The following PER3 variants were observed in gnomAD, a reference collection of about 807,000 sequenced individuals.
PER3 encodes the protein period circadian protein homolog 3.
A neutral mutation model predicts 127.2 loss-of-function variants in PER3; 107 were observed. The observed-to-expected ratio is 0.84, with a 90% CI of 0.72 to 0.99. The LOEUF (loss-of-function observed/expected upper bound fraction) is 0.99. PER3 is among the 50% of genes least tolerant of loss of function. PER3 has a pLI of 0.00. For synonymous variants in PER3, 618 were observed against 585.8 expected, an observed-to-expected ratio of 1.05 and a Z score of -0.79; for missense variants, 1,560 against 1,525.8, an observed-to-expected ratio of 1.02 and a Z score of -0.37.
At chr1:7,788,861 A>G (rs1558380337) in intron 5 of PER3, among the ~76,000 whole-genome samples, 1 of 151,458 alleles carries the variant, frequency 6.6e-6, no homozygotes, top group Non-Finnish European at 1.5e-5. Context: ...CCAAGATCAC[A>G]CCATTGCACT....
At chr1:7,786,168 C>T (rs1056903564) in intron 3 of PER3, among the ~76,000 whole-genome samples, 2 of 152,112 alleles carry the variant, frequency 1.3e-5, no homozygotes, top group Non-Finnish European at 2.9e-5. Flanking sequence ...GACAGGAGAA[C>T]GGCGTGAACC....
At chr1:7,810,415 A>T (rs1312648489) in intron 12 of PER3, 23 bp from the exon 13 acceptor site, 2 of 1,543,250 alleles carry the variant, frequency 1.3e-6, no homozygotes, top group East Asian at 4.5e-5. Flanking sequence ...TTTGAAACAT[A>T]TTTTATCATT....
intron 5 of PER3, among the ~76,000 whole-genome samples, chr1:7,790,791 A>T (rs1483873936): frequency 6.6e-6 from 1 of 152,084 alleles, no homozygotes; most frequent in African/African-American, 2.4e-5. Context: ...AAATGGGAGA[A>T]ATTGGCCAAA....
At chr1:7,821,487 C>A (rs1197352554) in intron 16 of PER3, among the ~76,000 whole-genome samples, 1 of 152,218 alleles carries the variant, frequency 6.6e-6, no homozygotes, top group Non-Finnish European at 1.5e-5. Context: ...TGGAACTGAG[C>A]TAGCCCCTCC....
In PER3 at chr1:7,827,162, G is replaced by A. The variant is rs774991703; in HGVS notation, c.2233G>A (p.Gly745Arg). The A allele has an allele frequency of 3.1e-6, 5 of 1,611,372 alleles. No homozygotes were observed. Among genetic ancestry groups the A allele is most frequent in the Non-Finnish European group, 4.2e-6 (5 of 1,179,002 alleles). The change falls in exon 18 of 22, where the codon GGG becomes AGG. Residue 745 changes from glycine (G) to arginine (R), a missense_variant. Physicochemically the swap from Gly to Arg is moderately radical, Grantham distance 125. Coordinates refer to ENST00000377532, the MANE Select transcript of PER3 (RefSeq NM_001377275.1). ...GACGCGGTCGGCCGGCTGCAGGAAA[G>A]GGAAGCACAAGCGGAAGAAGCTGCC... The part of the protein sequence containing the change: ...KQTRSAGCRK[G>R]KHKRKKLPEP...
In PER3 at chr1:7,793,953, C is replaced by G. The variant is rs1440098985; in HGVS notation, c.593-4C>G. The G allele has an allele frequency of 2.5e-6, 4 of 1,613,164 alleles. No homozygotes were observed. The African/African-American group carries it at 4.0e-5, about 16-fold the overall frequency. On this transcript the variant is annotated splice_region_variant and splice_polypyrimidine_tract_variant and intron_variant, in intron 5 of 21. Transcript: ENST00000377532. ...AGTGACTGACCAGGCATCTTTCTTTCTAGCAGCTGCACGGTATGAATGTGC... is the reference window on the plus strand; with the variant it reads ...AGTGACTGACCAGGCATCTTTCTTTGTAGCAGCTGCACGGTATGAATGTGC...
intron 13 of PER3, among the ~76,000 whole-genome samples, chr1:7,814,109 C>G (rs973006375): frequency 1.3e-5 from 2 of 152,090 alleles, no homozygotes; most frequent in African/African-American, 4.8e-5. Flanking sequence ...CAAGCTGAAA[C>G]AGAGAAAGAA....
chr1:7,816,025 G>C (rs1376860535), intron 13 of PER3, among the ~76,000 whole-genome samples: 1 of 132,420 alleles, frequency 7.6e-6, no homozygotes, highest in African/African-American at 2.8e-5. Flanking sequence ...AAATTGAATT[G>C]AACAAAATGA....
intron 5 of PER3, among the ~76,000 whole-genome samples, chr1:7,791,473 A>G (rs533551607): frequency 6.6e-6 from 1 of 151,994 alleles, no homozygotes; most frequent in East Asian, 1.9e-4. Context: ...CCAGAAAACC[A>G]TTTTTTCTCT....
intron 16 of PER3, among the ~76,000 whole-genome samples, chr1:7,824,135 T>G (rs1309293283): frequency 6.6e-6 from 1 of 152,180 alleles, no homozygotes; most frequent in Non-Finnish European, 1.5e-5. Flanking sequence ...AAACGGGGCT[T>G]GTAAGAAGAT....
chr1:7,788,292 A>T, intron 5 of PER3, 46 bp downstream of exon 5: 1 of 1,298,024 alleles, frequency 7.7e-7, no homozygotes, highest in Non-Finnish European at 1.1e-6. Flanking sequence ...CATCAAGATC[A>T]GTTTCATTCT....
At chr1:7,815,752 G>A (rs12045083) in intron 13 of PER3, among the ~76,000 whole-genome samples, 26,514 of 151,674 alleles carry the variant, frequency 0.17, 2,678 homozygotes, top group East Asian at 0.46. Context: ...TTAGGGGGCC[G>A]AGGTGGGCAG....
At chr1:7,799,764 T>TTTG (rs1055390550) in intron 7 of PER3, among the ~76,000 whole-genome samples, 1 of 151,998 alleles carries the variant, frequency 6.6e-6, no homozygotes, top group Non-Finnish European at 1.5e-5. Flanking sequence ...GTATTCTTTT[T>TTTG]TTGTTGTTGT....
At chr1:7,789,021 A>G (rs2097105738) in intron 5 of PER3, among the ~76,000 whole-genome samples, 1 of 151,992 alleles carries the variant, frequency 6.6e-6, no homozygotes, top group Non-Finnish European at 1.5e-5. Context: ...TTCATAATTC[A>G]AAGATGCCTA....
rs577956824 is a variant in PER3, at chr1:7,827,827, T to A, written c.2886+12T>A. The A allele has an allele frequency of 6.3e-7, 1 of 1,581,058 alleles. No homozygotes were observed. The highest frequency in any genetic ancestry group is 2.2e-5 in the East Asian group (1 of 44,542). On this transcript the variant is annotated intron_variant, in intron 18 of 21. Transcript: ENST00000377532. ...CACAAACTGAGTATGTAAGTGATGC[T>A]CATTTTCAACACTCAAGTGAGAAAG...
chr1:7,844,513 G>A lies in PER3; in HGVS notation c.*1758G>A, dbSNP rs978707899. ...GCCACTGTAAATAAAAACAGTATCC[G>A]TAGCTATCAGGATCATTGCGCACTC... is the stretch of plus-strand genomic sequence containing the variant. On this transcript the variant is annotated 3_prime_UTR_variant, in exon 22 of 22. Coordinates refer to ENST00000377532, the MANE Select transcript of PER3 (RefSeq NM_001377275.1). 2 of 152,720 alleles carry A rather than the reference G, an allele frequency of 1.3e-5. No individual in the cohort carries two copies. Among genetic ancestry groups the A allele is most frequent in the African/African-American group, 2.4e-5 (1 of 41,440 alleles). The allele number at this position is 152,720 out of a possible 1,614,324, so 9.5% of individuals were successfully genotyped here.
intron 10 of PER3, among the ~76,000 whole-genome samples, chr1:7,807,826 C>T (rs2097201557): frequency 6.6e-6 from 1 of 152,210 alleles, no homozygotes; most frequent in African/African-American, 2.4e-5. Context: ...CTGCTTCCCC[C>T]TTACCTGCCA....
At chr1:7,787,807 A>G (rs2097099356) in intron 4 of PER3, 4 of 539,210 alleles carry the variant, frequency 7.4e-6, no homozygotes, top group Non-Finnish European at 1.3e-5. Flanking sequence ...TGCATAGAAT[A>G]AGCTAGTATA....
rs537118597 is a variant in PER3 at position 7,814,363 on chromosome 1, A to G, written c.1522+3775A>G. Among the ~76,000 whole-genome samples the G allele has an allele frequency of 3.3e-4, 51 of 152,368 alleles. No homozygotes were observed. In the Middle Eastern group the frequency reaches 0.01, roughly 30 times the overall value. On this transcript the variant is annotated intron_variant, in intron 13 of 21. Transcript: ENST00000377532. ...AAAGCAGAGAAAAAAGACAGATTAC[A>G]TACAGAGAAACAAAGACAAGAATTG...
Sources: gnomAD v4.1 joint callset for allele counts (sites outside exome capture counted in the v4.1 genomes callset) on GRCh38, gnomAD v4.1.1 for gene constraint, MANE v1.5 for transcripts, NCBI Gene and HGNC (gene_info 2026-07-23, HGNC 2026-07-21) for gene names.